IKBKE: variants seen among roughly 807,000 people sequenced by gnomAD.
The protein encoded by IKBKE is inhibitor of nuclear factor kappa B kinase subunit epsilon, also known as inhibitor of nuclear factor kappa-B kinase subunit epsilon.
IKBKE carries 45 observed loss-of-function variants against 92.1 expected under a neutral mutation model. The ratio of observed to expected loss-of-function variants is 0.49; its 90% CI spans 0.38 to 0.63. IKBKE has a LOEUF of 0.63. IKBKE is among the 20% of genes least tolerant of loss of function. The pLI is 0.00. For missense variants in IKBKE, 700 were observed against 932.8 expected (o/e 0.75, Z 3.25); for synonymous variants, 374 against 380.3 (o/e 0.98, Z 0.19).
intron 18 of IKBKE, chr1:206,492,788 TG>T: frequency 1.6e-6 from 1 of 645,058 alleles, no homozygotes; most frequent in Non-Finnish European, 3.0e-6. Flanking sequence ...ATGTTGTTGG[TG>T]CTCCACACTA....
At chr1:206,472,769 C>T (rs41295980) in intron 2 of IKBKE, 3,219 of 210,852 alleles carry the variant, frequency 0.015, 45 homozygotes, top group Non-Finnish European at 0.021. Flanking sequence ...GTGGGAGATG[C>T]TCCCTGACCC....
rs1665903800 is a variant in IKBKE, at chr1:206,490,712, A to G, written c.1694-107A>G. The G allele has an allele frequency of 2.3e-5, 26 of 1,149,410 alleles. No homozygotes were observed. The highest frequency in any genetic ancestry group is 6.2e-5 in the South Asian group (5 of 80,518). The allele number at this position is 1,149,410 out of a possible 1,614,324, so 71.2% of individuals were successfully genotyped here. On this transcript the variant is annotated intron_variant, in intron 16 of 21. Transcript: ENST00000581977. This position sits in a 1 kb window ranked among gnomAD's most constrained non-coding sequence, Gnocchi z 5.2. ...GCTGGGCGGTGAGTTCCCGTGAAGC[A>G]GCACAGGCTGGGCCGTCTTCATCTT...
rs782356770 is a variant in IKBKE, at chr1:206,473,273, G to A, written c.46G>A (p.Gly16Arg). Residue 16 changes from glycine to arginine, a missense_variant, in exon 3 of 22, where the codon GGG becomes AGG. Coordinates refer to ENST00000581977, the MANE Select transcript of IKBKE (RefSeq NM_014002.4). ...NYLWHTDDLL[G>R]QGATASVYKA... ...CCTGTGGCACACAGATGACCTGCTGGGGCAGGGGGCCACTGCCAGTGTGTA... is the reference window on the plus strand; with the variant it reads ...CCTGTGGCACACAGATGACCTGCTGAGGCAGGGGGCCACTGCCAGTGTGTA... 6.2e-7 allele frequency: 1 copy of A among 1,613,062 alleles called. No homozygotes were observed. The highest frequency in any genetic ancestry group is 2.2e-5 in the East Asian group (1 of 44,838).
rs1378954367 is a variant in IKBKE, at chr1:206,490,753, C to T, written c.1694-66C>T. 2 of 1,521,300 alleles carry T rather than the reference C, an allele frequency of 1.3e-6. No individual in the cohort carries two copies. The highest frequency in any genetic ancestry group is 1.4e-5 in the African/African-American group (1 of 73,178). The allele number at this position is 1,521,300 out of a possible 1,614,324, so 94.2% of individuals were successfully genotyped here. A position where few individuals can be genotyped will look rare whatever the true frequency, so the allele number is the denominator to read the frequency against. On this transcript the variant is annotated intron_variant, in intron 16 of 21. Coordinates refer to ENST00000581977, the MANE Select transcript of IKBKE (RefSeq NM_014002.4). The surrounding 1 kb of genome is among the most constrained non-coding windows in gnomAD (Gnocchi z 5.2). ...TCTTCATCTTTTAACTGTCTCTCGA[C>T]CTTTGCTGCACACTGTTTCGTTGAC...
chr1:206,477,159 G>T (rs530757851), intron 7 of IKBKE, among the ~76,000 whole-genome samples: 2 of 152,198 alleles, frequency 1.3e-5, no homozygotes, highest in South Asian at 4.1e-4. Flanking sequence ...CTCACCAGGG[G>T]CAAAGGTGGC....
intron 15 of IKBKE, among the ~76,000 whole-genome samples, chr1:206,486,189 T>C (rs1665649302): frequency 1.3e-5 from 2 of 152,292 alleles, no homozygotes; most frequent in South Asian, 4.1e-4. Context: ...GATTAGGAGT[T>C]GATGCCCTGC....
intron 16 of IKBKE, among the ~76,000 whole-genome samples, chr1:206,489,391 A>G (rs1665830569): frequency 6.9e-6 from 1 of 145,252 alleles, no homozygotes; most frequent in African/African-American, 2.6e-5. Flanking sequence ...ATATATATAT[A>G]TATATATATA....
rs868908997 is a variant in IKBKE, at chr1:206,485,956, G to A, written c.1616+650G>A. On this transcript the variant is annotated intron_variant, in intron 15 of 21. Transcript: ENST00000581977. The surrounding 1 kb of genome is among the most constrained non-coding windows in gnomAD (Gnocchi z 5.0). The stretch of plus-strand genomic sequence containing the variant: ...CCAGGGGATGGGTGGTACCCAGCGC[G>A]GACCTCCTCCCCATTCTCTGCTGGT... Among the ~76,000 whole-genome samples, 7 of 152,218 alleles carry A rather than the reference G, an allele frequency of 4.6e-5. No homozygotes were observed. The highest frequency in any genetic ancestry group is 7.2e-5 in the African/African-American group (3 of 41,460).
intron 15 of IKBKE, among the ~76,000 whole-genome samples, chr1:206,486,901 C>T (rs1488097265): frequency 1.3e-5 from 2 of 151,630 alleles, no homozygotes; most frequent in Admixed American, 6.6e-5. Context: ...AGATCTGAGG[C>T]CCTGTCCTTT....
At position 206,480,544 on chromosome 1, in the gene IKBKE, G is replaced by A. The variant is rs781897927; in HGVS notation, c.1427+11G>A. ...CCTGGGAACTGAGAGGTGGGTGTTC[G>A]CCTCAGGCCAGCTGGGACCTCTCAG... On this transcript the variant is annotated intron_variant, in intron 13 of 21. Coordinates refer to ENST00000581977, the MANE Select transcript of IKBKE (RefSeq NM_014002.4). 20 of 1,603,962 alleles carry A rather than the reference G, an allele frequency of 1.2e-5. No individual in the cohort carries two copies. The highest frequency in any genetic ancestry group is 4.5e-5 in the East Asian group (2 of 44,776).
chr1:206,491,254 T>C (rs367648642), intron 17 of IKBKE: 3 of 368,670 alleles, frequency 8.1e-6, no homozygotes, highest in South Asian at 2.8e-5. Flanking sequence ...CCTGATTTAA[T>C]GGTTATCTGG....
chr1:206,495,949 C>T (rs1319031224), intron 21 of IKBKE, among the ~76,000 whole-genome samples, 163 bp from the exon 22 acceptor site: 4 of 152,114 alleles, frequency 2.6e-5, no homozygotes, highest in African/African-American at 9.7e-5. Flanking sequence ...TAGTCAGAGG[C>T]GAGAGCCAGT....
intron 21 of IKBKE, 80 bp from the exon 22 acceptor site, chr1:206,496,032 C>T: frequency 3.7e-6 from 4 of 1,089,094 alleles, no homozygotes; most frequent in Non-Finnish European, 1.4e-6. Flanking sequence ...TTCTTGAAAG[C>T]TAATTGTGCT....
At chr1:206,494,760 C>A (rs1666142066) in intron 21 of IKBKE, among the ~76,000 whole-genome samples, 1 of 151,484 alleles carries the variant, frequency 6.6e-6, no homozygotes, top group Non-Finnish European at 1.5e-5. Flanking sequence ...TCCACCACCA[C>A]ACGCAGTTAA....
chr1:206,475,010 T>C lies in IKBKE; in HGVS notation c.358+16T>C, dbSNP rs782218361. ...CGCTGTGTGGGTGAGCCCCTCCCTG[T>C]CCCTGCCTCCACCCTCAGACCAGCG... On this transcript the variant is annotated intron_variant, in intron 5 of 21. Transcript: ENST00000581977. 2 of 1,613,158 alleles carry C rather than the reference T, an allele frequency of 1.2e-6. No individual in the cohort carries two copies. Among genetic ancestry groups the C allele is most frequent in the South Asian group, 2.2e-5 (2 of 91,030 alleles).
In IKBKE at chr1:206,485,197, G is replaced by A. The variant is rs552333971; in HGVS notation, c.1507G>A (p.Ala503Thr). Residue 503 changes from alanine (A) to threonine (T), a missense_variant, in exon 15 of 22, where the codon GCG (alanine) becomes ACG (threonine). Transcript: ENST00000581977. This position sits in a 1 kb window ranked among gnomAD's most constrained non-coding sequence, Gnocchi z 5.0. ...GGTCTGCCTTTGTGCCCCACAGCTA[G>A]CGGAGGTCCTCTCCAGATGCTCCCA... Reference protein sequence around the residue: ...AELRSRLRTLAEVLSRCSQNI... With the variant: ...AELRSRLRTLTEVLSRCSQNI... 3 of 1,611,774 alleles carry A rather than the reference G, an allele frequency of 1.9e-6. No individual in the cohort carries two copies. Among genetic ancestry groups the A allele is most frequent in the East Asian group, 2.2e-5 (1 of 44,868 alleles).
chr1:206,489,421 A>T (rs1665837608), intron 16 of IKBKE, among the ~76,000 whole-genome samples: 1 of 145,746 alleles, frequency 6.9e-6, no homozygotes, highest in Admixed American at 6.9e-5. Flanking sequence ...ACATACATGG[A>T]GCTGTGTGCA....
intron 7 of IKBKE, among the ~76,000 whole-genome samples, chr1:206,477,391 G>A (rs1553385674): frequency 6.6e-6 from 1 of 152,172 alleles, no homozygotes; most frequent in East Asian, 1.9e-4. Context: ...GACCAGCATG[G>A]ATGGGGGTTG....
chr1:206,489,390 TATATATATATAC>T (rs1258077166), intron 16 of IKBKE, among the ~76,000 whole-genome samples: 3 of 142,852 alleles, frequency 2.1e-5, no homozygotes, highest in African/African-American at 8.0e-5. Context: ...TATATATATA[TATATATATATAC>T]ACACACACAC....
Sources: gnomAD v4.1 joint callset for allele counts (sites outside exome capture counted in the v4.1 genomes callset) on GRCh38, gnomAD v4.1.1 for gene constraint, Gnocchi (gnomAD v3.1) non-coding constraint, MANE v1.5 for transcripts, NCBI Gene and HGNC (gene_info 2026-07-23, HGNC 2026-07-21) for gene names.